The following PPP2R2B variants were observed in gnomAD, a reference collection of about 807,000 sequenced individuals.
The protein encoded by PPP2R2B is serine/threonine-protein phosphatase 2A 55 kDa regulatory subunit B beta isoform.
A neutral mutation model predicts 46.0 loss-of-function variants in PPP2R2B; 5 were observed. The observed-to-expected ratio is 0.11, with a 90% CI of 0.06 to 0.23. PPP2R2B has a LOEUF of 0.23. PPP2R2B is among the 10% of genes least tolerant of loss of function. PPP2R2B has a pLI of 1.00. For missense variants in PPP2R2B, 367 were observed against 575.0 expected (o/e 0.64, Z 3.70); for synonymous variants, 215 against 206.7 (o/e 1.04, Z -0.34).
intron 7 of PPP2R2B, among the ~76,000 whole-genome samples, chr5:146,613,905 C>T (rs1304556246): frequency 4.5e-5 from 6 of 133,560 alleles, no homozygotes; most frequent in Admixed American, 2.3e-4. Flanking sequence ...GAATCGATAT[C>T]GTGAAAATGG....
chr5:146,700,410 T>G (rs1325683339), intron 3 of PPP2R2B, among the ~76,000 whole-genome samples: 5 of 152,158 alleles, frequency 3.3e-5, no homozygotes, highest in African/African-American at 1.2e-4. Context: ...CAATTCCTAG[T>G]GAAACCCATG....
chr5:146,773,847 A>G (rs1332655034), intron 2 of PPP2R2B, among the ~76,000 whole-genome samples: 1 of 152,194 alleles, frequency 6.6e-6, no homozygotes, highest in Non-Finnish European at 1.5e-5. Context: ...TGAATTATTT[A>G]TATAATTAAT....
intron 7 of PPP2R2B, among the ~76,000 whole-genome samples, chr5:146,637,933 C>T (rs386016): frequency 0.13 from 19,078 of 152,166 alleles, 2,296 homozygotes; most frequent in African/African-American, 0.3. Flanking sequence ...AACTGGTCCC[C>T]CTGCTATTCC....
chr5:147,023,492 A>C lies in PPP2R2B; in HGVS notation c.79+32173T>G, dbSNP rs980105652. 3.3e-5 allele frequency among the ~76,000 whole-genome samples: 5 copies of C among 152,224 alleles called. No individual in the cohort carries two copies. In the East Asian group the frequency reaches 9.6e-4, roughly 29 times the overall value. On this transcript the variant is annotated intron_variant, in intron 1 of 8. Coordinates refer to the PPP2R2B transcript ENST00000336640. ...CCAACTAAATACTGCCTAAAAATAT[A>C]CACTTTAAATATAAAACATAGGTAA...
chr5:146,817,872 A>C (rs1040893381), intron 2 of PPP2R2B, among the ~76,000 whole-genome samples: 1 of 152,220 alleles, frequency 6.6e-6, no homozygotes, highest in Non-Finnish European at 1.5e-5. Context: ...AAAATTATCA[A>C]ATCAGTTCAT....
intron 1 of PPP2R2B, among the ~76,000 whole-genome samples, chr5:147,036,159 A>G (rs539680785): frequency 1.6e-4 from 24 of 152,086 alleles, no homozygotes; most frequent in African/African-American, 5.8e-4. Flanking sequence ...GATGCTCTCC[A>G]TCCTCCCACC....
intron 1 of PPP2R2B, among the ~76,000 whole-genome samples, chr5:146,940,524 A>C (rs541233305): frequency 1.3e-4 from 19 of 151,956 alleles, no homozygotes; most frequent in South Asian, 8.3e-4. Flanking sequence ...AAAAAAAAAA[A>C]CATAAGGCTA....
At chr5:147,078,786 T>C (rs796635733) in intron 2 of PPP2R2B, among the ~76,000 whole-genome samples, 132 of 140,532 alleles carry the variant, frequency 9.4e-4, no homozygotes, top group African/African-American at 3.5e-3. Context: ...CCAGCCTGGG[T>C]GGCAGAGCGA....
chr5:146,888,356 C>T (rs1762393983), intron 1 of PPP2R2B, among the ~76,000 whole-genome samples: 1 of 152,106 alleles, frequency 6.6e-6, no homozygotes, highest in African/African-American at 2.4e-5. Flanking sequence ...CTCTCTCATT[C>T]CCATCTTTTC....
chr5:146,648,123 A>G (rs1311213158), intron 6 of PPP2R2B, among the ~76,000 whole-genome samples: 4 of 152,190 alleles, frequency 2.6e-5, no homozygotes, highest in African/African-American at 7.2e-5. Flanking sequence ...CCTTGCAGTT[A>G]AGAGTTAGCC....
Position 146,927,071 on chromosome 5 carries a change from T to C in PPP2R2B, c.79+128594A>G, listed in dbSNP as rs569180670. Among the ~76,000 whole-genome samples, 16 of 152,252 alleles carry C rather than the reference T, an allele frequency of 1.1e-4. No individual in the cohort carries two copies. The South Asian group carries it at 3.1e-3, about 30-fold the overall frequency. ...ACCTTGGCAGAACCTATAGGCTGGG[T>C]TGAGGTGGATGAGAGGAGCCCTAGG... On this transcript the variant is annotated intron_variant, in intron 1 of 8. Transcript: ENST00000336640.
At chr5:147,007,091 A>G (rs1207360312) in intron 1 of PPP2R2B, among the ~76,000 whole-genome samples, 2 of 152,124 alleles carry the variant, frequency 1.3e-5, no homozygotes, top group Non-Finnish European at 2.9e-5. Flanking sequence ...TTACAAATGG[A>G]ACCCCAAGTG....
At chr5:146,974,098 GAT>G (rs1752784177) in intron 1 of PPP2R2B, among the ~76,000 whole-genome samples, 1 of 152,124 alleles carries the variant, frequency 6.6e-6, no homozygotes, top group South Asian at 2.1e-4. Context: ...AACTCTTGTA[GAT>G]CTATTTGGAA....
chr5:146,853,353 T>C (rs2151384523), intron 2 of PPP2R2B, among the ~76,000 whole-genome samples: 1 of 152,268 alleles, frequency 6.6e-6, no homozygotes, highest in Admixed American at 6.5e-5. Context: ...AAAAAGTCCT[T>C]TTAATCCATT....
chr5:146,714,962 C>T (rs1780412311), intron 2 of PPP2R2B, among the ~76,000 whole-genome samples: 1 of 152,140 alleles, frequency 6.6e-6, no homozygotes, highest in African/African-American at 2.4e-5. Context: ...TATCTGCCTA[C>T]CAGGCAGAAG....
chr5:146,893,361 G>A (rs1175174156), intron 1 of PPP2R2B, among the ~76,000 whole-genome samples: 1 of 152,162 alleles, frequency 6.6e-6, no homozygotes, highest in East Asian at 1.9e-4. Context: ...ATTAATAAAT[G>A]CATGGATTAA....
intron 5 of PPP2R2B, among the ~76,000 whole-genome samples, chr5:146,665,159 C>G (rs322976): frequency 0.73 from 111,095 of 152,154 alleles, 42,928 homozygotes; most frequent in Non-Finnish European, 0.86. Flanking sequence ...AAAGGGTCAG[C>G]TTATCCTTTG....
At chr5:146,788,700 T>C (rs1756003244) in intron 2 of PPP2R2B, among the ~76,000 whole-genome samples, 1 of 152,198 alleles carries the variant, frequency 6.6e-6, no homozygotes, top group South Asian at 2.1e-4. Context: ...ATCATTGCAT[T>C]TCAGCCTGGG....
chr5:146,664,925 T>C (rs752648121), intron 5 of PPP2R2B, among the ~76,000 whole-genome samples: 1 of 152,168 alleles, frequency 6.6e-6, no homozygotes, highest in Non-Finnish European at 1.5e-5. Flanking sequence ...TGAGCAGTAA[T>C]ATTTTGAAAT....
Sources: allele counts gnomAD v4.1 joint callset (sites outside exome capture counted in the v4.1 genomes callset), GRCh38; gene constraint gnomAD v4.1.1; transcripts MANE v1.5; gene names NCBI Gene and HGNC (gene_info 2026-07-23, HGNC 2026-07-21).